The following RAD52 variants were observed in gnomAD, a reference collection of about 807,000 sequenced individuals.
RAD52 encodes RAD52 DNA repair protein, also known as DNA repair protein RAD52 homolog.
A neutral mutation model predicts 55.5 loss-of-function variants in RAD52; 47 were observed. The observed-to-expected ratio is 0.85, with a 90% CI of 0.67 to 1.08. RAD52 has a LOEUF of 1.08. Among genes scored for constraint, RAD52 ranks in the 50% least tolerant of loss-of-function variants. The pLI, the probability that RAD52 is intolerant of heterozygous loss-of-function variation, is 0.00. For missense variants in RAD52, 468 were observed against 522.8 expected, an observed-to-expected ratio of 0.90 and a Z score of 1.02; for synonymous variants, 184 against 198.9, an observed-to-expected ratio of 0.92 and a Z score of 0.63.
intron 1 of RAD52, among the ~76,000 whole-genome samples, chr12:940,698 A>G (rs1957875753): frequency 6.6e-6 from 1 of 152,166 alleles, no homozygotes; most frequent in African/African-American, 2.4e-5. Context: ...TGTAAGAGCC[A>G]AAGGACATAG....
chr12:986,799 T>C (rs1022975906), intron 1 of RAD52, among the ~76,000 whole-genome samples: 11 of 151,832 alleles, frequency 7.2e-5, no homozygotes, highest in African/African-American at 2.7e-4. Context: ...ATTCTCTCTT[T>C]TCCGGGCGTT....
chr12:967,800 G>A (rs1227762283), intron 1 of RAD52, among the ~76,000 whole-genome samples: 5 of 151,996 alleles, frequency 3.3e-5, no homozygotes, highest in Non-Finnish European at 7.4e-5. Context: ...GCTGGGTGTG[G>A]TGGTACACGT....
At position 916,748 on chromosome 12, in the gene RAD52, T is replaced by A. The variant is rs770233281; in HGVS notation, c.616A>T (p.Asn206Tyr). 3.7e-6 allele frequency: 6 copies of A among 1,614,080 alleles called. No homozygotes were observed. The South Asian group carries it at 6.6e-5, about 18-fold the overall frequency. Residue 206 changes from asparagine to tyrosine, a missense_variant, in exon 8 of 12, where the codon AAC becomes TAC. Physicochemically the swap from Asn to Tyr is moderately radical, Grantham distance 143. Transcript: ENST00000358495. ...AGGGCCATGTTCGGTCGGCAGCTGTTGTATCTTGCCTCCTCCACAGACGGT... is the reference window on the plus strand; with the variant it reads ...AGGGCCATGTTCGGTCGGCAGCTGTAGTATCTTGCCTCCTCCACAGACGGT... Reference protein sequence around the residue: ...LEPSVEEARYNSCRPNMALGH... With the variant: ...LEPSVEEARYYSCRPNMALGH...
Position 932,962 on chromosome 12 carries a change from G to C in RAD52, c.84+13C>G. 6.2e-7 allele frequency: 1 copy of C among 1,613,342 alleles called. No homozygotes were observed. The highest frequency in any genetic ancestry group is 8.5e-7 in the Non-Finnish European group (1 of 1,179,646). On this transcript the variant is annotated intron_variant, in intron 2 of 11. Transcript: ENST00000358495. ...CACCTCATTCTTTCCCGGCATGAAGGAACCACAGTTACCTGTCCAAAGCAT... is the reference window on the plus strand; with the variant it reads ...CACCTCATTCTTTCCCGGCATGAAGCAACCACAGTTACCTGTCCAAAGCAT...
chr12:925,832 A>G (rs989087503), intron 6 of RAD52, among the ~76,000 whole-genome samples: 2 of 114,198 alleles, frequency 1.8e-5, no homozygotes, highest in African/African-American at 5.4e-5. Flanking sequence ...CAAACTGCAG[A>G]GAGTTTTTCT....
chr12:989,408 TTTTA>T (rs1959141456), intron 1 of RAD52, among the ~76,000 whole-genome samples: 1 of 152,218 alleles, frequency 6.6e-6, no homozygotes, highest in African/African-American at 2.4e-5. Context: ...TTTGTATCAC[TTTTA>T]TTTATCATCA....
chr12:926,601 G>A (rs1047392424), intron 6 of RAD52, among the ~76,000 whole-genome samples: 3 of 152,090 alleles, frequency 2.0e-5, no homozygotes, highest in Non-Finnish European at 2.9e-5. Context: ...TTCACCTTCT[G>A]CCATGATTAG....
chr12:915,106 G>A (rs1291288192), intron 9 of RAD52, among the ~76,000 whole-genome samples: 1 of 152,178 alleles, frequency 6.6e-6, no homozygotes, highest in Non-Finnish European at 1.5e-5. Context: ...TGCACTCCAG[G>A]CTGGGTGACA....
At chr12:930,958 A>G (rs959794575) in intron 3 of RAD52, among the ~76,000 whole-genome samples, 5 of 148,818 alleles carry the variant, frequency 3.4e-5, no homozygotes, top group African/African-American at 1.2e-4. Context: ...GTGACAGAGC[A>G]AGACCCTGTC....
In RAD52 at chr12:914,011, A is replaced by G. The variant is rs767192100; in HGVS notation, c.1078T>C (p.Leu360=). The G allele has an allele frequency of 6.2e-7, 1 of 1,614,156 alleles. No homozygotes were observed. The highest frequency in any genetic ancestry group is 1.1e-5 in the South Asian group (1 of 91,080). ...DPAQTSDTLA[L]NNQMVTQNRT... Reference sequence around the variant, plus strand: ...TTCTGGGTCACCATCTGGTTGTTCAAGGCTAATGTGTCAGAGGTCTGGGCT... The same window carrying G: ...TTCTGGGTCACCATCTGGTTGTTCAGGGCTAATGTGTCAGAGGTCTGGGCT... The change falls in exon 11 of 12, where the codon TTG becomes CTG. Residue 360 remains leucine, a synonymous_variant. Coordinates refer to ENST00000358495, the MANE Select transcript of RAD52 (RefSeq NM_134424.4).
At chr12:945,078 C>T (rs781354319) in intron 1 of RAD52, among the ~76,000 whole-genome samples, 5 of 152,056 alleles carry the variant, frequency 3.3e-5, no homozygotes, top group Non-Finnish European at 5.9e-5. Flanking sequence ...TGGCCAGGCA[C>T]GGTGGCTCAC....
At position 912,226 on chromosome 12, in the gene RAD52, G is replaced by C; in HGVS notation, c.*1165C>G. On this transcript the variant is annotated 3_prime_UTR_variant, in exon 12 of 12. Transcript: ENST00000358495. The stretch of plus-strand genomic sequence containing the variant: ...ATTTCTGAGCACTGACGTGATGCCA[G>C]AAGTGGAAAATTCCACACGTGACCT... 5.1e-6 allele frequency: 1 copy of C among 196,090 alleles called. No individual in the cohort carries two copies. Among genetic ancestry groups the C allele is most frequent in the Non-Finnish European group, 1.1e-5 (1 of 94,258 alleles). The allele number at this position is 196,090 out of a possible 1,614,324, so 12.1% of individuals were successfully genotyped here. A position where few individuals can be genotyped will look rare whatever the true frequency, so the allele number is the denominator to read the frequency against.
Position 925,445 on chromosome 12 carries a change from T to C in RAD52, c.543+5A>G, listed in dbSNP as rs758161957. The C allele has an allele frequency of 2.5e-6, 4 of 1,610,398 alleles. No homozygotes were observed. Among genetic ancestry groups the C allele is most frequent in the Non-Finnish European group, 3.4e-6 (4 of 1,176,624 alleles). On this transcript the variant is annotated splice_donor_5th_base_variant and intron_variant, in intron 7 of 11. Coordinates refer to ENST00000358495, the MANE Select transcript of RAD52 (RefSeq NM_134424.4). ...CTTCACTCCACTCATCCATGTCTGA[T>C]ATACCTGGCGTGGAAGCTTATTTAG...
intron 1 of RAD52, among the ~76,000 whole-genome samples, chr12:970,511 A>AT (rs1463166319): frequency 6.6e-5 from 10 of 152,154 alleles, no homozygotes; most frequent in Non-Finnish European, 1.5e-4. Flanking sequence ...GGGAACATTT[A>AT]TTTTTACCAA....
chr12:930,704 C>T lies in RAD52; in HGVS notation c.186+516G>A, dbSNP rs11571414. Among the ~76,000 whole-genome samples, 645 of 151,296 alleles carry T rather than the reference C, an allele frequency of 4.3e-3. 5 individuals are homozygous for T. The highest frequency in any genetic ancestry group is 0.032 in the South Asian group (151 of 4,788). ...TGTAAAGGCTGGGCATGGTGGCCCA[C>T]ACCTGTAATCCCAGCACTTTGGGAG... On this transcript the variant is annotated intron_variant, in intron 3 of 11. Transcript: ENST00000358495.
At chr12:990,947 G>C (rs1366865843), upstream of RAD52, 2 of 38,378 alleles carry the variant, frequency 5.2e-5, no homozygotes, top group South Asian at 2.0e-3. Flanking sequence ...GTGTGTGTGT[G>C]TGTGAGTGTG....
intron 1 of RAD52, among the ~76,000 whole-genome samples, chr12:947,314 G>A (rs544542927): frequency 9.1e-5 from 10 of 109,830 alleles, no homozygotes; most frequent in South Asian, 8.0e-4. Flanking sequence ...CAACAAGAGC[G>A]AAACTCTGTC....
chr12:916,316 C>A (rs1371045186), intron 9 of RAD52, 28 bp downstream of exon 9: 1 of 1,600,734 alleles, frequency 6.2e-7, no homozygotes, highest in Non-Finnish European at 8.5e-7. Context: ...AGACGCCTCC[C>A]AGGGCCCTGC....
upstream of RAD52, among the ~76,000 whole-genome samples, chr12:950,472 G>A (rs894206066): frequency 6.6e-6 from 1 of 151,788 alleles, no homozygotes; most frequent in Non-Finnish European, 1.5e-5. Flanking sequence ...TCGGGAGGCT[G>A]AGGTAGGAGA....
Sources: allele counts gnomAD v4.1 joint callset (sites outside exome capture counted in the v4.1 genomes callset), GRCh38; gene constraint gnomAD v4.1.1; transcripts MANE v1.5; gene names NCBI Gene and HGNC (gene_info 2026-07-23, HGNC 2026-07-21).